The following GALNT18 variants were observed in gnomAD, a reference collection of about 807,000 sequenced individuals.
GALNT18 encodes the protein polypeptide N-acetylgalactosaminyltransferase 18.
Under a neutral mutation model 69.5 loss-of-function variants are expected in GALNT18, and 44 were observed. The observed-to-expected ratio is 0.63, with a 90% CI of 0.50 to 0.81. The LOEUF is 0.81. Ranked by LOEUF, GALNT18 falls within the 40% of genes least tolerant of loss-of-function variation. The probability of loss-of-function intolerance (pLI) is 0.00; values close to 1 mark genes in which losing one functional copy is unlikely to be tolerated. For missense variants in GALNT18, 715 were observed against 810.0 expected (o/e 0.88, Z 1.42); for synonymous variants, 364 against 318.2 (o/e 1.14, Z -1.53).
Position 11,591,162 on chromosome 11 carries a change from G to GTA in GALNT18, c.235+30196_235+30197insTA, listed in dbSNP as rs1554955542. Reference sequence around the variant, plus strand: ...TGACTCTGTAGGCCTAGGCTACCGTGTGTGTGTGTGTGTGTGTGTGTGTTA... The same window carrying GTA: ...TGACTCTGTAGGCCTAGGCTACCGTGTATGTGTGTGTGTGTGTGTGTGTGTTA... On this transcript the variant is annotated intron_variant, in intron 1 of 10. Coordinates refer to ENST00000227756, the MANE Select transcript of GALNT18 (RefSeq NM_198516.3). This position sits in a 1 kb window ranked among gnomAD's most constrained non-coding sequence, Gnocchi z 4.8. Among the ~76,000 whole-genome samples, 1 of 150,642 alleles carries GTA rather than the reference G, an allele frequency of 6.6e-6. No homozygotes were observed. Among genetic ancestry groups the GTA allele is most frequent in the Non-Finnish European group, 1.5e-5 (1 of 67,638 alleles).
chr11:11,497,736 C>T lies in GALNT18; in HGVS notation c.236-48800G>A, dbSNP rs1179910909. Among the ~76,000 whole-genome samples, 2 of 125,916 alleles carry T rather than the reference C, an allele frequency of 1.6e-5. No homozygotes were observed. The highest frequency in any genetic ancestry group is 9.1e-5 in the Admixed American group (1 of 10,942). The allele number at this position is 125,916 out of a possible 152,430, so 82.6% of individuals were successfully genotyped here. ...AATTGTGCAGATAAATGTGTATGTG[C>T]ATATACATATTTTCTATATATATAT... On this transcript the variant is annotated intron_variant, in intron 1 of 10. Coordinates refer to ENST00000227756, the MANE Select transcript of GALNT18 (RefSeq NM_198516.3). This position sits in a 1 kb window ranked among gnomAD's most constrained non-coding sequence, Gnocchi z 4.2.
intron 3 of GALNT18, among the ~76,000 whole-genome samples, chr11:11,384,753 C>A (rs1854009048): frequency 3.3e-5 from 5 of 152,146 alleles, no homozygotes; most frequent in Admixed American, 1.3e-4. Context: ...TGATCTCAGA[C>A]CCCCAGCCTC....
At chr11:11,462,545 A>G (rs1429271748) in intron 1 of GALNT18, among the ~76,000 whole-genome samples, 1 of 152,106 alleles carries the variant, frequency 6.6e-6, no homozygotes, top group African/African-American at 2.4e-5. Flanking sequence ...CACCCGCCTC[A>G]GCCTCCCAAA....
chr11:11,433,966 A>G (rs1211312376), intron 2 of GALNT18, among the ~76,000 whole-genome samples: 2 of 152,128 alleles, frequency 1.3e-5, no homozygotes, highest in East Asian at 1.9e-4. Flanking sequence ...AGGTCAGAAC[A>G]TGCAATAATG....
chr11:11,300,860 C>T (rs1849482326), intron 9 of GALNT18, among the ~76,000 whole-genome samples: 1 of 152,120 alleles, frequency 6.6e-6, no homozygotes, highest in Non-Finnish European at 1.5e-5. Flanking sequence ...GGATTTATTC[C>T]AGGTGATTCT....
chr11:11,560,045 TG>T (rs1858440651), intron 1 of GALNT18, among the ~76,000 whole-genome samples: 1 of 141,446 alleles, frequency 7.1e-6, no homozygotes, highest in African/African-American at 2.7e-5. Flanking sequence ...TAGGATGGGA[TG>T]GGATGGGATA....
chr11:11,317,748 A>G (rs911679330), intron 9 of GALNT18, among the ~76,000 whole-genome samples: 1 of 152,234 alleles, frequency 6.6e-6, no homozygotes, highest in Admixed American at 6.5e-5. Context: ...CCACTTGTCA[A>G]TTTTTGTTTT....
chr11:11,520,849 G>C (rs2133927676), intron 1 of GALNT18, among the ~76,000 whole-genome samples: 1 of 152,306 alleles, frequency 6.6e-6, no homozygotes, highest in Non-Finnish European at 1.5e-5. Context: ...CTCAGCAGGA[G>C]CACCCCATAG....
intron 1 of GALNT18, among the ~76,000 whole-genome samples, chr11:11,474,220 G>A (rs1468931172): frequency 6.6e-6 from 1 of 152,226 alleles, no homozygotes; most frequent in African/African-American, 2.4e-5. Flanking sequence ...ACAGGTCATA[G>A]GAAGGACCCA....
At chr11:11,317,710 CT>C (rs1215146175) in intron 9 of GALNT18, among the ~76,000 whole-genome samples, 1 of 152,102 alleles carries the variant, frequency 6.6e-6, no homozygotes, top group Non-Finnish European at 1.5e-5. Flanking sequence ...TTAATAATTC[CT>C]TTTGCTATGC....
chr11:11,325,776 C>T (rs11021804), intron 9 of GALNT18, among the ~76,000 whole-genome samples: 52,557 of 151,934 alleles, frequency 0.35, 9,693 homozygotes, highest in Middle Eastern at 0.45. Flanking sequence ...CAATGAGGAA[C>T]GTGTTGCCAT....
chr11:11,581,980 G>A (rs1392705472), intron 1 of GALNT18, among the ~76,000 whole-genome samples: 1 of 151,980 alleles, frequency 6.6e-6, no homozygotes, highest in Non-Finnish European at 1.5e-5. Flanking sequence ...GATGTTTACA[G>A]TTTACTGGAA....
chr11:11,354,391 T>C (rs1850483886), intron 6 of GALNT18, among the ~76,000 whole-genome samples: 1 of 152,214 alleles, frequency 6.6e-6, no homozygotes, highest in Non-Finnish European at 1.5e-5. Flanking sequence ...GAAGTCATTA[T>C]GGTTCAGAGC....
intron 1 of GALNT18, among the ~76,000 whole-genome samples, chr11:11,507,688 T>G (rs1437334371): frequency 6.6e-6 from 1 of 152,228 alleles, no homozygotes; most frequent in Non-Finnish European, 1.5e-5. Context: ...TCATGTCAAC[T>G]TGATTAGATT....
At chr11:11,305,026 G>T (rs1564888410) in intron 9 of GALNT18, among the ~76,000 whole-genome samples, 2 of 152,134 alleles carry the variant, frequency 1.3e-5, no homozygotes, top group Admixed American at 1.3e-4. Context: ...CTAGAGGAGG[G>T]GTACTGCCAA....
chr11:11,377,099 T>G lies in GALNT18; in HGVS notation c.977+83A>C. The G allele has an allele frequency of 5.3e-6, 7 of 1,329,662 alleles. No individual in the cohort carries two copies. The highest frequency in any genetic ancestry group is 2.3e-5 in the East Asian group (1 of 43,178). 82.4% of individuals were successfully genotyped at this position (1,329,662 alleles called of 1,614,324 possible). On this transcript the variant is annotated intron_variant, in intron 5 of 10. Coordinates refer to ENST00000227756, the MANE Select transcript of GALNT18 (RefSeq NM_198516.3). This position sits in a 1 kb window ranked among gnomAD's most constrained non-coding sequence, Gnocchi z 4.6. ...TGTCATCCCCACGATGGGGCTCAAG[T>G]TGGAGAATAAGCATTGGACCAGTAG...
At position 11,271,037 on chromosome 11, in the gene GALNT18, C is replaced by A; in HGVS notation, c.*107G>T. Reference sequence around the variant, plus strand: ...AAATAAAAAGCTCTTCTTGGGGGCCCACTAACCTGGTTCCCCAGACTCCAA... The same window carrying A: ...AAATAAAAAGCTCTTCTTGGGGGCCAACTAACCTGGTTCCCCAGACTCCAA... On this transcript the variant is annotated 3_prime_UTR_variant, in exon 11 of 11. Transcript: ENST00000227756. 1 of 984,236 alleles carries A rather than the reference C, an allele frequency of 1.0e-6. No homozygotes were observed. Among genetic ancestry groups the A allele is most frequent in the Non-Finnish European group, 1.5e-6 (1 of 680,728 alleles). The allele number at this position is 984,236 out of a possible 1,614,324, so 61.0% of individuals were successfully genotyped here. A position where few individuals can be genotyped will look rare whatever the true frequency, so the allele number is the denominator to read the frequency against.
chr11:11,513,818 A>G (rs996866889), intron 1 of GALNT18, among the ~76,000 whole-genome samples: 1 of 152,186 alleles, frequency 6.6e-6, no homozygotes, highest in African/African-American at 2.4e-5. Flanking sequence ...GTAAAGCTTT[A>G]AAGGTGGTTG....
intron 2 of GALNT18, among the ~76,000 whole-genome samples, chr11:11,434,985 C>A (rs1320176232): frequency 6.6e-6 from 1 of 152,186 alleles, no homozygotes; most frequent in Non-Finnish European, 1.5e-5. Context: ...ACAAACACCA[C>A]TTGCTAATTG....
Sources: allele counts gnomAD v4.1 joint callset (sites outside exome capture counted in the v4.1 genomes callset), GRCh38; gene constraint gnomAD v4.1.1; non-coding constraint Gnocchi (gnomAD v3.1); transcripts MANE v1.5; gene names NCBI Gene and HGNC (gene_info 2026-07-23, HGNC 2026-07-21).